Variants in EFNA5 observed in about 807,000 individuals in gnomAD.
EFNA5 encodes the protein ephrin-A5.
A neutral mutation model predicts 22.9 loss-of-function variants in EFNA5; 5 were observed. The observed-to-expected ratio is 0.22, with a 90% confidence interval of 0.11 to 0.46. EFNA5 has a LOEUF of 0.46. EFNA5 is among the 20% of genes least tolerant of loss of function. EFNA5 has a pLI of 0.99. For missense variants in EFNA5, 237 were observed against 293.3 expected, an observed-to-expected ratio of 0.81 and a Z score of 1.40; for synonymous variants, 113 against 112.2, an observed-to-expected ratio of 1.01 and a Z score of -0.04.
chr5:107,644,607 T>C (rs868049911), intron 1 of EFNA5, among the ~76,000 whole-genome samples: 1 of 152,232 alleles, frequency 6.6e-6, no homozygotes, highest in South Asian at 2.1e-4. Flanking sequence ...AATTACCTAG[T>C]TGGTAACTGA....
chr5:107,561,412 A>C (rs1198874961), intron 1 of EFNA5, among the ~76,000 whole-genome samples: 1 of 152,182 alleles, frequency 6.6e-6, no homozygotes, highest in Non-Finnish European at 1.5e-5. Context: ...TCTATCACCC[A>C]GGCTGGAGTG....
chr5:107,494,627 G>T (rs1181502251), intron 1 of EFNA5, among the ~76,000 whole-genome samples: 1 of 152,316 alleles, frequency 6.6e-6, no homozygotes, highest in South Asian at 2.1e-4. Flanking sequence ...CAGCCCCGTT[G>T]GGGGATCCAC....
chr5:107,639,458 A>G (rs1325841283), intron 1 of EFNA5, among the ~76,000 whole-genome samples: 1 of 152,378 alleles, frequency 6.6e-6, no homozygotes, highest in East Asian at 1.9e-4. Context: ...CCTTAACTGC[A>G]AAATGAAGAT....
chr5:107,417,245 G>T (rs936189361), intron 2 of EFNA5, among the ~76,000 whole-genome samples: 4 of 152,110 alleles, frequency 2.6e-5, no homozygotes, highest in Non-Finnish European at 5.9e-5. Context: ...AAAATGAAAA[G>T]ATATTATCAT....
intron 2 of EFNA5, among the ~76,000 whole-genome samples, chr5:107,416,116 C>T (rs1158685191): frequency 6.6e-6 from 1 of 152,206 alleles, no homozygotes; most frequent in East Asian, 1.9e-4. Flanking sequence ...ATTATGTCAT[C>T]ATGTCTGACC....
rs367939686 is a variant in EFNA5 at position 107,656,294 on chromosome 5, G to A, written c.125+14195C>T. 7.5e-4 allele frequency among the ~76,000 whole-genome samples: 114 copies of A among 152,192 alleles called. 2 individuals are homozygous for A. The highest frequency in any genetic ancestry group is 2.9e-4 in the Non-Finnish European group (20 of 67,980). On this transcript the variant is annotated intron_variant, in intron 1 of 4. Coordinates refer to ENST00000333274, the MANE Select transcript of EFNA5 (RefSeq NM_001962.3). Reference sequence around the variant, plus strand: ...AAAGGAGATTCAAAATCCCTTTCCCGGGAAGAAGGTCCTGGAAGACTTGCC... The same window carrying A: ...AAAGGAGATTCAAAATCCCTTTCCCAGGAAGAAGGTCCTGGAAGACTTGCC...
intron 1 of EFNA5, among the ~76,000 whole-genome samples, chr5:107,628,077 A>T (rs1004695017): frequency 3.3e-5 from 5 of 152,212 alleles, no homozygotes; most frequent in African/African-American, 1.2e-4. Context: ...CACATATAAT[A>T]ACTCAATGTC....
chr5:107,543,095 AG>A (rs1473502991), intron 1 of EFNA5, among the ~76,000 whole-genome samples: 1 of 152,242 alleles, frequency 6.6e-6, no homozygotes, highest in African/African-American at 2.4e-5. Flanking sequence ...GAAATGGAAG[AG>A]GCCAGCAGGG....
chr5:107,635,266 T>C (rs1342629471), intron 1 of EFNA5, among the ~76,000 whole-genome samples: 2 of 152,246 alleles, frequency 1.3e-5, no homozygotes, highest in Non-Finnish European at 1.5e-5. Context: ...GTATAACTGC[T>C]TTTATTTTAT....
intron 1 of EFNA5, among the ~76,000 whole-genome samples, chr5:107,440,883 C>T (rs897742456): frequency 6.6e-6 from 1 of 152,000 alleles, no homozygotes; most frequent in Non-Finnish European, 1.5e-5. Context: ...TATAGCACGT[C>T]AATTGATTTA....
chr5:107,469,980 C>G (rs562515085), intron 1 of EFNA5, among the ~76,000 whole-genome samples: 3 of 151,978 alleles, frequency 2.0e-5, no homozygotes, highest in Non-Finnish European at 4.4e-5. Flanking sequence ...AGTGTTAATG[C>G]GAACACCGTT....
chr5:107,399,215 G>A (rs1448366268), intron 2 of EFNA5, among the ~76,000 whole-genome samples: 4 of 151,998 alleles, frequency 2.6e-5, no homozygotes, highest in East Asian at 1.9e-4. Flanking sequence ...AGTTTAGGAG[G>A]CCAAGGCGGG....
chr5:107,575,014 T>TG (rs1298254169), intron 1 of EFNA5, among the ~76,000 whole-genome samples: 4 of 152,234 alleles, frequency 2.6e-5, no homozygotes, highest in African/African-American at 9.6e-5. Flanking sequence ...AGAGGGCACT[T>TG]GCTCTGCTTT....
chr5:107,652,584 A>G (rs1193466369), intron 1 of EFNA5, among the ~76,000 whole-genome samples: 1 of 152,236 alleles, frequency 6.6e-6, no homozygotes, highest in Non-Finnish European at 1.5e-5. Context: ...CAAATATCAC[A>G]GAAGACTACA....
intron 1 of EFNA5, among the ~76,000 whole-genome samples, chr5:107,457,709 A>G (rs566660124): frequency 2.0e-5 from 3 of 152,290 alleles, no homozygotes; most frequent in Admixed American, 1.3e-4. Context: ...AATAGCTAAT[A>G]ATAAGGAAAA....
At chr5:107,491,080 G>C (rs1303998309) in intron 1 of EFNA5, among the ~76,000 whole-genome samples, 1 of 152,190 alleles carries the variant, frequency 6.6e-6, no homozygotes, top group Admixed American at 6.5e-5. Flanking sequence ...ATGAATTAGA[G>C]AGCACATGTG....
chr5:107,646,334 G>A (rs1037489109), intron 1 of EFNA5, among the ~76,000 whole-genome samples: 2 of 151,962 alleles, frequency 1.3e-5, no homozygotes, highest in African/African-American at 2.4e-5. Flanking sequence ...TGTACATGTC[G>A]TACATCTTAT....
intron 1 of EFNA5, among the ~76,000 whole-genome samples, chr5:107,432,429 T>C (rs1268168339): frequency 1.3e-5 from 2 of 152,224 alleles, no homozygotes; most frequent in African/African-American, 4.8e-5. Context: ...CTTGTAAATG[T>C]CTTCTCTTTA....
rs374666597 is a variant in EFNA5 at position 107,494,259 on chromosome 5, AGCTGCGGGCG to A, written c.126-66760_126-66751del. On this transcript the variant is annotated intron_variant, in intron 1 of 4. Transcript: ENST00000333274. ...AGGGAGGTGTGGAGGCGGAGGCGTG[AGCTGCGGGCG>A]GCTGCGGGCGGCGCTTGAGGGCCAG... Among the ~76,000 whole-genome samples the A allele has an allele frequency of 3.4e-3, 511 of 152,076 alleles. 2 individuals are homozygous for A. The highest frequency in any genetic ancestry group is 9.3e-3 in the African/African-American group (387 of 41,504).
Sources: allele counts gnomAD v4.1 joint callset (sites outside exome capture counted in the v4.1 genomes callset), GRCh38; gene constraint gnomAD v4.1.1; transcripts MANE v1.5; gene names NCBI Gene and HGNC (gene_info 2026-07-23, HGNC 2026-07-21).